Variants in FRMD3 observed in about 807,000 individuals in gnomAD.
FRMD3 encodes the protein FERM domain-containing protein 3.
FRMD3 carries 33 observed loss-of-function variants against 70.2 expected under a neutral mutation model. That is an observed-to-expected ratio of 0.47 (90% CI 0.36 to 0.63). The LOEUF (loss-of-function observed/expected upper bound fraction) is 0.63. Ranked by LOEUF, FRMD3 falls within the 20% of genes least tolerant of loss-of-function variation. The pLI is 0.00. For missense variants in FRMD3, 632 were observed against 711.4 expected (o/e 0.89, Z 1.27); for synonymous variants, 279 against 255.9 (o/e 1.09, Z -0.86).
At chr9:83,461,962 C>T (rs1262668778) in intron 1 of FRMD3, among the ~76,000 whole-genome samples, 1 of 152,104 alleles carries the variant, frequency 6.6e-6, no homozygotes, top group East Asian at 1.9e-4. Context: ...GCTGGAATTA[C>T]AGGAGTAAGC....
At chr9:83,337,177 C>G (rs530144387) in intron 5 of FRMD3, among the ~76,000 whole-genome samples, 1 of 152,170 alleles carries the variant, frequency 6.6e-6, no homozygotes, top group East Asian at 1.9e-4. Flanking sequence ...TATACTTGGC[C>G]ACCCCATTCA....
At chr9:83,449,551 G>T (rs1442472483) in intron 1 of FRMD3, among the ~76,000 whole-genome samples, 1 of 152,176 alleles carries the variant, frequency 6.6e-6, no homozygotes. Flanking sequence ...GCAGGCTAGT[G>T]ACAGAGCTGG....
chr9:83,551,460 G>A, the FRMD3 span, among the ~76,000 whole-genome samples: 1 of 152,132 alleles, frequency 6.6e-6, no homozygotes, highest in Non-Finnish European at 1.5e-5. Context: ...TCTCTGCCAG[G>A]CTTTGATATC....
chr9:83,417,306 A>G (rs1328174210), intron 1 of FRMD3, among the ~76,000 whole-genome samples: 3 of 152,200 alleles, frequency 2.0e-5, no homozygotes, highest in Non-Finnish European at 4.4e-5. Flanking sequence ...AGTAAACAAA[A>G]TAAAAGAGTA....
intron 1 of FRMD3, among the ~76,000 whole-genome samples, chr9:83,502,662 G>A (rs1236284107): frequency 6.6e-6 from 1 of 152,102 alleles, no homozygotes; most frequent in Non-Finnish European, 1.5e-5. Context: ...AGAGGCAAAG[G>A]GCAGCAGAGG....
At chr9:83,375,748 A>T (rs1478736080) in intron 2 of FRMD3, among the ~76,000 whole-genome samples, 2 of 152,226 alleles carry the variant, frequency 1.3e-5, no homozygotes, top group Non-Finnish European at 2.9e-5. Flanking sequence ...GGACAGGATC[A>T]GGCAAAATAA....
chr9:83,557,509 T>C, the FRMD3 span, among the ~76,000 whole-genome samples: 1 of 152,078 alleles, frequency 6.6e-6, no homozygotes, highest in Non-Finnish European at 1.5e-5. Context: ...GAGAAAGATG[T>C]CCCCCATCAG....
chr9:83,408,372 A>G (rs1298209627), intron 1 of FRMD3, among the ~76,000 whole-genome samples: 1 of 152,122 alleles, frequency 6.6e-6, no homozygotes, highest in East Asian at 1.9e-4. Flanking sequence ...AATATCACAA[A>G]CATGGGGCTT....
At chr9:83,562,525 G>A in the FRMD3 span, among the ~76,000 whole-genome samples, 10 of 152,282 alleles carry the variant, frequency 6.6e-5, no homozygotes, top group South Asian at 1.9e-3. Flanking sequence ...TGCCCAAGGT[G>A]ACTTCAACCA....
intron 3 of FRMD3, among the ~76,000 whole-genome samples, chr9:83,363,653 C>T (rs1004454870): frequency 1.8e-4 from 26 of 146,968 alleles, no homozygotes; most frequent in East Asian, 1.7e-3. Flanking sequence ...CCCCGGGGTT[C>T]ACGCCATTCT....
At chr9:83,370,428 T>C (rs771862639) in intron 3 of FRMD3, among the ~76,000 whole-genome samples, 4 of 152,208 alleles carry the variant, frequency 2.6e-5, no homozygotes, top group Non-Finnish European at 4.4e-5. Flanking sequence ...TGTTCGGTAA[T>C]GTCTTTAGCA....
Position 83,417,697 on chromosome 9 carries a change from T to C in FRMD3, c.148-27989A>G, listed in dbSNP as rs577367097. ...TCTGGGAGTCAGCAAGCTGAAGCCA[T>C]GGACTGAATAAAATGTTGCAAAGAA... is the stretch of plus-strand genomic sequence containing the variant. On this transcript the variant is annotated intron_variant, in intron 1 of 13. Transcript: ENST00000304195. Among the ~76,000 whole-genome samples, 13 of 152,310 alleles carry C rather than the reference T, an allele frequency of 8.5e-5. No individual in the cohort carries two copies. In the East Asian group the frequency reaches 2.1e-3, roughly 25 times the overall value.
At chr9:83,442,644 G>C (rs998295320) in intron 1 of FRMD3, among the ~76,000 whole-genome samples, 3 of 151,958 alleles carry the variant, frequency 2.0e-5, no homozygotes, top group African/African-American at 7.2e-5. Context: ...ATCCTCAGTG[G>C]AGGGGGGGTA....
upstream of FRMD3, chr9:83,538,423 C>T: frequency 2.5e-6 from 1 of 396,334 alleles, no homozygotes; most frequent in Non-Finnish European, 4.3e-6. The surrounding 1 kb of genome is among the most constrained non-coding windows in gnomAD (Gnocchi z 4.7). Context: ...TCCCTCTGTT[C>T]GCTCGCCTCC....
intron 1 of FRMD3, among the ~76,000 whole-genome samples, chr9:83,452,059 A>G (rs1827674016): frequency 6.6e-6 from 1 of 152,182 alleles, no homozygotes; most frequent in South Asian, 2.1e-4. Flanking sequence ...CAGGCTATCA[A>G]TCCTTGCCCC....
intron 1 of FRMD3, among the ~76,000 whole-genome samples, chr9:83,392,223 A>AC (rs1197179343): frequency 1.3e-5 from 2 of 152,040 alleles, no homozygotes; most frequent in Non-Finnish European, 2.9e-5. Flanking sequence ...TGGCCTCTGC[A>AC]CGTTGCCCAG....
At chr9:83,579,707 CACA>C in the FRMD3 span, among the ~76,000 whole-genome samples, 3 of 152,026 alleles carry the variant, frequency 2.0e-5, no homozygotes, top group Non-Finnish European at 4.4e-5. Flanking sequence ...CAGAAATCTC[CACA>C]ACATTAGCCT....
At chr9:83,441,577 T>C (rs1183874305) in intron 1 of FRMD3, among the ~76,000 whole-genome samples, 1 of 152,148 alleles carries the variant, frequency 6.6e-6, no homozygotes, top group Non-Finnish European at 1.5e-5. Context: ...AGGTCAACAG[T>C]CCTGGAAAAT....
intron 1 of FRMD3, among the ~76,000 whole-genome samples, chr9:83,450,948 A>C (rs1299792770): frequency 6.6e-6 from 1 of 152,210 alleles, no homozygotes; most frequent in Non-Finnish European, 1.5e-5. Flanking sequence ...ATGTCCGTTT[A>C]ATAAGTCCCC....
Sources: allele counts gnomAD v4.1 joint callset (sites outside exome capture counted in the v4.1 genomes callset), GRCh38; gene constraint gnomAD v4.1.1; non-coding constraint Gnocchi (gnomAD v3.1); transcripts MANE v1.5; gene names NCBI Gene and HGNC (gene_info 2026-07-23, HGNC 2026-07-21).